NAA25: variants seen among roughly 807,000 people sequenced by gnomAD.
The protein encoded by NAA25 is N-alpha-acetyltransferase 25, NatB auxiliary subunit, also known as N-terminal acetyltransferase B complex subunit NAA25.
NAA25 carries 30 observed loss-of-function variants against 132.5 expected under a neutral mutation model. That is an observed-to-expected ratio of 0.23 (90% CI 0.17 to 0.31). NAA25 has a LOEUF of 0.31. Among genes scored for constraint, NAA25 ranks in the 10% least tolerant of loss-of-function variants. The pLI, the probability that NAA25 is intolerant of heterozygous loss-of-function variation, is 1.00. For missense variants in NAA25, 771 were observed against 1,150.4 expected (o/e 0.67, Z 4.77); for synonymous variants, 359 against 401.9 (o/e 0.89, Z 1.28).
intron 23 of NAA25, among the ~76,000 whole-genome samples, chr12:112,032,639 C>T (rs995418501): frequency 2.0e-5 from 3 of 152,162 alleles, no homozygotes; most frequent in Non-Finnish European, 4.4e-5. Flanking sequence ...CTACTCCAGG[C>T]CGGTGAATTA....
intron 22 of NAA25, 103 bp from the exon 23 acceptor site, chr12:112,033,482 T>A: frequency 8.9e-7 from 1 of 1,119,860 alleles, no homozygotes; most frequent in Non-Finnish European, 1.2e-6. Flanking sequence ...AATAGTGGCA[T>A]TTCAAACCAG....
At chr12:112,039,966 G>C (rs955871830) in intron 21 of NAA25, 1 of 155,108 alleles carries the variant, frequency 6.4e-6, no homozygotes, top group African/African-American at 2.4e-5. Context: ...TCCCCACACA[G>C]AGTAGTAAGG....
intron 22 of NAA25, among the ~76,000 whole-genome samples, chr12:112,038,108 G>C (rs1444535717): frequency 6.6e-6 from 1 of 152,114 alleles, no homozygotes; most frequent in African/African-American, 2.4e-5. Flanking sequence ...CTGCCTCTCG[G>C]GTTCAAGCAA....
intron 22 of NAA25, among the ~76,000 whole-genome samples, chr12:112,036,971 A>T (rs1316773912): frequency 1.3e-5 from 2 of 152,062 alleles, no homozygotes; most frequent in African/African-American, 4.8e-5. Flanking sequence ...AATAGCAATG[A>T]GCACACTAAC....
rs1165482537 is a variant in NAA25 at position 112,097,605 on chromosome 12, T to A, written c.59-4469A>T. Among the ~76,000 whole-genome samples the A allele has an allele frequency of 2.0e-4, 21 of 103,580 alleles. No individual in the cohort carries two copies. The East Asian group carries it at 3.9e-3, about 19-fold the overall frequency. The allele number at this position is 103,580 out of a possible 152,430, so 68.0% of individuals were successfully genotyped here. On this transcript the variant is annotated intron_variant, in intron 1 of 23. Transcript: ENST00000261745. Reference sequence around the variant, plus strand: ...CTGGGAGACAGAGCGAGACTCCGTCTCAAAAAAAAAAAAAAAAAAAGAGTT... The same window carrying A: ...CTGGGAGACAGAGCGAGACTCCGTCACAAAAAAAAAAAAAAAAAAAGAGTT...
chr12:112,075,563 T>A, intron 8 of NAA25, 115 bp downstream of exon 8: 1 of 762,646 alleles, frequency 1.3e-6, no homozygotes, highest in Non-Finnish European at 2.1e-6. Flanking sequence ...AGGACACAAC[T>A]ACTATAAGAA....
rs555746335 is a variant in NAA25, at chr12:112,029,497, T to C, written c.*34A>G. On this transcript the variant is annotated 3_prime_UTR_variant, in exon 24 of 24. Transcript: ENST00000261745. The stretch of plus-strand genomic sequence containing the variant: ...CTGGGAAGATGGTGTCATATTCTGT[T>C]GCAGAGTCATCAGTGCCCATGATAG... The C allele has an allele frequency of 5.6e-5, 91 of 1,613,690 alleles. 1 individual carries two copies. In the South Asian group the frequency reaches 8.9e-4, roughly 16 times the overall value.
At chr12:112,068,776 T>A (rs1340639612) in intron 11 of NAA25, 104 bp downstream of exon 11, 21 of 648,034 alleles carry the variant, frequency 3.2e-5, no homozygotes, top group Middle Eastern at 5.5e-4. Flanking sequence ...TTGTATCTCA[T>A]GATTATCAAT....
intron 1 of NAA25, among the ~76,000 whole-genome samples, chr12:112,107,570 A>G (rs56143183): frequency 0.049 from 6,351 of 130,454 alleles, 193 homozygotes; most frequent in South Asian, 0.1. Context: ...ATGTGAGAGT[A>G]AAAAAAAAAA....
At chr12:112,053,496 T>A in intron 15 of NAA25, 62 bp downstream of exon 15, 1 of 1,188,010 alleles carries the variant, frequency 8.4e-7, no homozygotes, top group East Asian at 2.5e-5. Context: ...TGTGGTGACG[T>A]GCTCCTCAAT....
intron 13 of NAA25, 96 bp from the exon 14 acceptor site, chr12:112,054,664 C>A (rs951772697): frequency 1.5e-5 from 17 of 1,102,926 alleles, no homozygotes; most frequent in East Asian, 5.2e-5. Flanking sequence ...ATCACCCCCC[C>A]CAATAAATGA....
At chr12:112,100,362 C>T (rs1379220066) in intron 1 of NAA25, among the ~76,000 whole-genome samples, 2 of 152,166 alleles carry the variant, frequency 1.3e-5, no homozygotes, top group Non-Finnish European at 1.5e-5. Flanking sequence ...AGGGTTTCAC[C>T]ATGTTGGCCA....
chr12:112,092,382 T>C (rs967429248), intron 2 of NAA25, among the ~76,000 whole-genome samples: 1 of 151,768 alleles, frequency 6.6e-6, no homozygotes, highest in East Asian at 1.9e-4. Flanking sequence ...CCCAGCACTC[T>C]GGGAGGCTGA....
chr12:112,104,179 G>A (rs60690688), intron 1 of NAA25, among the ~76,000 whole-genome samples: 21,894 of 152,152 alleles, frequency 0.14, 1,988 homozygotes, highest in African/African-American at 0.26. Context: ...ATCCAAGACT[G>A]CAGGTCAGTA....
chr12:112,053,105 A>T (rs1463566890), intron 15 of NAA25, among the ~76,000 whole-genome samples: 1 of 152,174 alleles, frequency 6.6e-6, no homozygotes, highest in Non-Finnish European at 1.5e-5. Context: ...ATGCCTTTTA[A>T]TTTTCTAAGA....
chr12:112,049,681 A>G lies in NAA25; in HGVS notation c.1729-1238T>C, dbSNP rs2078434014. Reference sequence around the variant, plus strand: ...TACTTGTGATCCTGCAGGTTTCAAGAAGGACTACCTGAAAAAGCTCGAGTA... The same window carrying G: ...TACTTGTGATCCTGCAGGTTTCAAGGAGGACTACCTGAAAAAGCTCGAGTA... On this transcript the variant is annotated intron_variant, in intron 15 of 23. Coordinates refer to ENST00000261745, the MANE Select transcript of NAA25 (RefSeq NM_024953.4). This position sits in a 1 kb window ranked among gnomAD's most constrained non-coding sequence, Gnocchi z 4.7. The G allele has an allele frequency of 1.0e-6, 1 of 979,716 alleles. No individual in the cohort carries two copies. The highest frequency in any genetic ancestry group is 1.2e-6 in the Non-Finnish European group (1 of 824,812). 60.7% of individuals were successfully genotyped at this position (979,716 alleles called of 1,614,324 possible).
chr12:112,097,849 G>A (rs2079237262), intron 1 of NAA25, among the ~76,000 whole-genome samples: 2 of 151,724 alleles, frequency 1.3e-5, no homozygotes. Flanking sequence ...CAGACCCGGC[G>A]GCTCATGCCT....
At chr12:112,092,227 C>A (rs1593830190) in intron 2 of NAA25, among the ~76,000 whole-genome samples, 4 of 145,536 alleles carry the variant, frequency 2.7e-5, no homozygotes, top group East Asian at 2.4e-4. Context: ...GGCAACACAG[C>A]AAGACTCCAT....
chr12:112,099,328 C>G (rs1362473173), intron 1 of NAA25, among the ~76,000 whole-genome samples: 1 of 151,240 alleles, frequency 6.6e-6, no homozygotes, highest in East Asian at 1.9e-4. Flanking sequence ...CCTGAAGTTT[C>G]ACAAGTATCA....
Sources: allele counts gnomAD v4.1 joint callset (sites outside exome capture counted in the v4.1 genomes callset), GRCh38; gene constraint gnomAD v4.1.1; non-coding constraint Gnocchi (gnomAD v3.1); transcripts MANE v1.5; gene names NCBI Gene and HGNC (gene_info 2026-07-23, HGNC 2026-07-21).